PLA1A: variants seen among roughly 807,000 people sequenced by gnomAD.
PLA1A encodes the protein phosphatidylserine-specific phospholipase A1alpha.
Under a neutral mutation model 49.4 loss-of-function variants are expected in PLA1A, and 47 were observed. That is an observed-to-expected ratio of 0.95 (90% CI 0.75 to 1.21). PLA1A has a LOEUF of 1.21. Ranked by LOEUF, PLA1A falls within the 50% of genes most tolerant of loss-of-function variation. PLA1A has a pLI of 0.00. For missense variants in PLA1A, 561 were observed against 563.9 expected (o/e 0.99, Z 0.05); for synonymous variants, 224 against 207.9 (o/e 1.08, Z -0.67).
At chr3:119,609,434 GCCCACGGGGAA>G (rs751013626) in intron 3 of PLA1A, 23 bp from the exon 4 acceptor site, 1 of 1,324,530 alleles carries the variant, frequency 7.5e-7, no homozygotes, top group Non-Finnish European at 1.1e-6. Context: ...AGACTCTGTG[GCCCACGGGGAA>G]CTCACTGTTC....
chr3:119,625,305 A>C, intron 9 of PLA1A, 73 bp downstream of exon 9: 1 of 954,482 alleles, frequency 1.0e-6, no homozygotes, highest in Non-Finnish European at 1.7e-6. Context: ...ACACATGGAC[A>C]TCCCAGGTCA....
rs2052601164 is a variant in PLA1A at position 119,629,764 on chromosome 3, T to C, written c.*296T>C. ...GTACTTAGGATTCAATAGAAACATG[T>C]ACAGGGTAAACAATTTTTTAAAAAT... On this transcript the variant is annotated 3_prime_UTR_variant, in exon 11 of 11. Coordinates refer to ENST00000273371, the MANE Select transcript of PLA1A (RefSeq NM_015900.4). 5 of 354,350 alleles carry C rather than the reference T, an allele frequency of 1.4e-5. No homozygotes were observed. 22.0% of individuals were successfully genotyped at this position (354,350 alleles called of 1,614,324 possible).
At chr3:119,607,764 C>G (rs1481204927) in intron 2 of PLA1A, among the ~76,000 whole-genome samples, 1 of 152,146 alleles carries the variant, frequency 6.6e-6, no homozygotes, top group Non-Finnish European at 1.5e-5. Flanking sequence ...CACCACTTTC[C>G]AAGGCTGAGT....
At chr3:119,609,703 C>A in intron 4 of PLA1A, 127 bp downstream of exon 4, 1 of 522,222 alleles carries the variant, frequency 1.9e-6, no homozygotes. Context: ...CACCTATTAC[C>A]ACTAAAATTT....
intron 5 of PLA1A, among the ~76,000 whole-genome samples, chr3:119,615,147 A>G (rs145287495): frequency 4.6e-5 from 7 of 152,340 alleles, no homozygotes; most frequent in African/African-American, 1.7e-4. Context: ...ATTTCTTCCA[A>G]TACTGACAGA....
intron 9 of PLA1A, among the ~76,000 whole-genome samples, chr3:119,628,390 G>A (rs915451658): frequency 1.3e-5 from 2 of 152,258 alleles, no homozygotes; most frequent in African/African-American, 4.8e-5. Context: ...TGAAGGTGAA[G>A]ATCTCCTCCA....
chr3:119,618,273 A>G (rs1270121433), intron 7 of PLA1A, 87 bp downstream of exon 7: 3 of 1,115,936 alleles, frequency 2.7e-6, no homozygotes, highest in African/African-American at 1.6e-5. Flanking sequence ...CTGATGTCCT[A>G]TGGTCAAGAA....
At chr3:119,621,568 G>A (rs923016049) in intron 8 of PLA1A, among the ~76,000 whole-genome samples, 17 of 152,254 alleles carry the variant, frequency 1.1e-4, no homozygotes, top group Middle Eastern at 3.2e-3. Context: ...GCGCCAGCAT[G>A]GGCAGAGGAT....
intron 9 of PLA1A, among the ~76,000 whole-genome samples, chr3:119,628,143 C>T (rs55688109): frequency 0.034 from 5,230 of 152,328 alleles, 150 homozygotes; most frequent in South Asian, 0.14. Flanking sequence ...CTGGAACTTA[C>T]ACCTAGTTGC....
chr3:119,627,889 A>G (rs2052565573), intron 9 of PLA1A, among the ~76,000 whole-genome samples: 1 of 152,138 alleles, frequency 6.6e-6, no homozygotes, highest in Non-Finnish European at 1.5e-5. Flanking sequence ...AGTACCTAGT[A>G]CCTAGGGGGT....
At chr3:119,608,295 A>AGAAG (rs2082721384) in intron 2 of PLA1A, among the ~76,000 whole-genome samples, 2 of 151,240 alleles carry the variant, frequency 1.3e-5, no homozygotes, top group Admixed American at 6.6e-5. Flanking sequence ...AAAGAAAGAA[A>AGAAG]GAAAAAGAAA....
intron 8 of PLA1A, among the ~76,000 whole-genome samples, chr3:119,622,094 A>AAGAAGAAGAAGAAGGAGAAGG (rs1414191106): frequency 1.4e-5 from 2 of 145,212 alleles, no homozygotes; most frequent in African/African-American, 5.3e-5. Flanking sequence ...AAGAAAGAAG[A>AAGAAGAAGAAGAAGGAGAAGG]AGAAGAAGAA....
At chr3:119,618,610 G>C (rs896231565) in intron 7 of PLA1A, among the ~76,000 whole-genome samples, 1 of 152,200 alleles carries the variant, frequency 6.6e-6, no homozygotes, top group Non-Finnish European at 1.5e-5. Flanking sequence ...TGGTGGCCTC[G>C]TGAGAGCTGG....
chr3:119,605,634 G>A (rs1329894881), intron 1 of PLA1A, among the ~76,000 whole-genome samples: 3 of 152,192 alleles, frequency 2.0e-5, no homozygotes, highest in Non-Finnish European at 4.4e-5. Flanking sequence ...TGTTCTGCGG[G>A]TCAGCATGTA....
At chr3:119,613,479 A>G (rs1225132057) in intron 5 of PLA1A, among the ~76,000 whole-genome samples, 1 of 152,236 alleles carries the variant, frequency 6.6e-6, no homozygotes, top group Non-Finnish European at 1.5e-5. Context: ...AAGATTTTTT[A>G]GGATGGGTGT....
rs2082715884 is a variant in PLA1A at position 119,608,228 on chromosome 3, GAGAGAAAGAAAGAGAGAA to G, written c.276-538_276-521del. On this transcript the variant is annotated intron_variant, in intron 2 of 10. Transcript: ENST00000273371. ...AAAGAAAGAAAGAAAGAAAGAAAGA[GAGAGAAAGAAAGAGAGAA>G]AGAAAGAAAGAAAGAAAGAAAGAAA... Among the ~76,000 whole-genome samples the G allele has an allele frequency of 1.1e-4, 12 of 106,580 alleles. No individual in the cohort carries two copies. The South Asian group carries it at 3.0e-3, about 26-fold the overall frequency. 69.9% of individuals were successfully genotyped at this position (106,580 alleles called of 152,430 possible).
intron 7 of PLA1A, among the ~76,000 whole-genome samples, 165 bp downstream of exon 7, chr3:119,618,351 C>T (rs2272266): frequency 0.023 from 3,518 of 152,196 alleles, 116 homozygotes; most frequent in South Asian, 0.14. Context: ...TGGAGGTGGA[C>T]GGTTGGTTCT....
intron 9 of PLA1A, among the ~76,000 whole-genome samples, chr3:119,628,286 A>T (rs2052572300): frequency 6.6e-6 from 1 of 152,222 alleles, no homozygotes. Flanking sequence ...CCACCCACAC[A>T]TTCATACTTA....
rs543347955 is a variant in PLA1A, at chr3:119,619,417, A to T, written c.923-146A>T. The T allele has an allele frequency of 7.6e-6, 5 of 657,374 alleles. No homozygotes were observed. The South Asian group carries it at 9.0e-5, about 12-fold the overall frequency. The allele number at this position is 657,374 out of a possible 1,614,324, so 40.7% of individuals were successfully genotyped here. A position where few individuals can be genotyped will look rare whatever the true frequency, so the allele number is the denominator to read the frequency against. ...CCGAGTTGCTGGGATCCCAGGACTC[A>T]CCTTAGAATACAGCACATAGTGCGT... On this transcript the variant is annotated intron_variant, in intron 7 of 10. Coordinates refer to ENST00000273371, the MANE Select transcript of PLA1A (RefSeq NM_015900.4).
Sources: gnomAD v4.1 joint callset for allele counts (sites outside exome capture counted in the v4.1 genomes callset) on GRCh38, gnomAD v4.1.1 for gene constraint, MANE v1.5 for transcripts, NCBI Gene and HGNC (gene_info 2026-07-23, HGNC 2026-07-21) for gene names.